The following PCDH9 variants were observed in gnomAD, a reference collection of about 807,000 sequenced individuals.
PCDH9 encodes the protein protocadherin 9, also known as protocadherin-9.
In PCDH9, 24 loss-of-function variants were observed where a neutral mutation model predicts 70.6. That is an observed-to-expected ratio of 0.34 (90% CI 0.25 to 0.48). The LOEUF is 0.48. Among genes scored for constraint, PCDH9 ranks in the 20% least tolerant of loss-of-function variants. PCDH9 has a pLI of 0.99. For synonymous variants in PCDH9, 562 were observed against 558.5 expected (o/e 1.01, Z -0.09); for missense variants, 1,281 against 1,503.6 (o/e 0.85, Z 2.45).
At chr13:66,370,416 C>A (rs1956626159) in intron 4 of PCDH9, among the ~76,000 whole-genome samples, 2 of 151,802 alleles carry the variant, frequency 1.3e-5, no homozygotes, top group South Asian at 4.2e-4. Context: ...GTGTGTTCAA[C>A]TTCCTCCCTC....
intron 3 of PCDH9, among the ~76,000 whole-genome samples, chr13:66,759,887 C>T (rs2079597189): frequency 6.6e-6 from 1 of 151,906 alleles, no homozygotes; most frequent in South Asian, 2.1e-4. Context: ...TACATATCAC[C>T]ATTATAGTAT....
intron 4 of PCDH9, among the ~76,000 whole-genome samples, chr13:66,366,137 A>G (rs921151919): frequency 2.0e-5 from 3 of 152,052 alleles, no homozygotes; most frequent in Admixed American, 6.6e-5. Flanking sequence ...AAGAAAATCT[A>G]TTATTTCTTC....
intron 2 of PCDH9, among the ~76,000 whole-genome samples, chr13:66,986,481 G>A (rs963567362): frequency 1.1e-4 from 17 of 151,866 alleles, no homozygotes; most frequent in African/African-American, 2.9e-4. Context: ...GTTTTTCACT[G>A]GGATATGGAA....
intron 2 of PCDH9, chr13:67,210,252 T>C (rs760951669): frequency 2.0e-4 from 30 of 152,192 alleles, no homozygotes; most frequent in African/African-American, 6.7e-4. Context: ...GTTCTGTTTT[T>C]TGATTTCTAA....
At chr13:66,726,697 G>A (rs1431128563) in intron 3 of PCDH9, among the ~76,000 whole-genome samples, 2 of 152,162 alleles carry the variant, frequency 1.3e-5, no homozygotes, top group African/African-American at 4.8e-5. Context: ...GCGTACCAAA[G>A]ACCTCACATA....
At chr13:66,492,437 T>C (rs1337199868) in intron 4 of PCDH9, among the ~76,000 whole-genome samples, 1 of 148,234 alleles carries the variant, frequency 6.7e-6, no homozygotes, top group Non-Finnish European at 1.5e-5. Flanking sequence ...TTAATGTTTA[T>C]ATTTATATAT....
At chr13:66,315,858 C>T (rs111258919) in intron 4 of PCDH9, among the ~76,000 whole-genome samples, 1 of 152,188 alleles carries the variant, frequency 6.6e-6, no homozygotes, top group Non-Finnish European at 1.5e-5. Context: ...AGCATATTTA[C>T]ATTTGTTTCC....
chr13:66,423,691 G>A (rs1358918748), intron 4 of PCDH9, among the ~76,000 whole-genome samples: 1 of 152,028 alleles, frequency 6.6e-6, no homozygotes, highest in Non-Finnish European at 1.5e-5. Flanking sequence ...AACAATAAGA[G>A]CTGTTTATGA....
At chr13:67,038,347 T>G (rs2085048331) in intron 2 of PCDH9, among the ~76,000 whole-genome samples, 1 of 152,150 alleles carries the variant, frequency 6.6e-6, no homozygotes, top group Non-Finnish European at 1.5e-5. Flanking sequence ...TTCCAACTTT[T>G]TAAAAAGATA....
intron 3 of PCDH9, among the ~76,000 whole-genome samples, chr13:66,696,039 T>A (rs531788541): frequency 1.3e-5 from 2 of 152,162 alleles, no homozygotes; most frequent in Non-Finnish European, 1.5e-5. Context: ...TAGTTATGTA[T>A]TTTGGATTTT....
Position 67,226,095 on chromosome 13 carries a change from G to C in PCDH9, c.2346C>G (p.Ser782=). 2 of 1,614,116 alleles carry C rather than the reference G, an allele frequency of 1.2e-6. No individual in the cohort carries two copies. The highest frequency in any genetic ancestry group is 1.7e-6 in the Non-Finnish European group (2 of 1,180,014). ...TCCTGCGGATCAAGTCATAGATATA[G>C]GAGGCATTTCCAGCAGTGTCGTTAA... ...LYVNDTAGNA[S]YIYDLIRRTM... Residue 782 remains serine (S), a synonymous_variant, in exon 2 of 5, where the codon TCC becomes TCG. Coordinates refer to ENST00000377865, the MANE Select transcript of PCDH9 (RefSeq NM_203487.3). This position sits in a 1 kb window ranked among gnomAD's most constrained non-coding sequence, Gnocchi z 5.0.
intron 4 of PCDH9, among the ~76,000 whole-genome samples, chr13:66,543,653 G>C (rs1961061089): frequency 1.3e-5 from 2 of 151,936 alleles, no homozygotes; most frequent in Non-Finnish European, 2.9e-5. Context: ...ATTCACCACT[G>C]TAAGAAAGTT....
intron 4 of PCDH9, among the ~76,000 whole-genome samples, chr13:66,456,892 T>C (rs898750691): frequency 7.2e-5 from 11 of 152,108 alleles, no homozygotes; most frequent in Non-Finnish European, 1.6e-4. Flanking sequence ...TGTTAAACCT[T>C]ACCTTTTTGC....
chr13:67,223,326 G>T (rs567607549), intron 2 of PCDH9: 2 of 152,028 alleles, frequency 1.3e-5, no homozygotes, highest in Non-Finnish European at 2.9e-5. Flanking sequence ...TTTTGGGGAG[G>T]TCAGAAAAAG....
At chr13:66,455,513 G>C (rs1422892495) in intron 4 of PCDH9, among the ~76,000 whole-genome samples, 2 of 151,904 alleles carry the variant, frequency 1.3e-5, no homozygotes, top group Non-Finnish European at 2.9e-5. Context: ...GAACATTTTA[G>C]AATCCCAATA....
chr13:67,184,137 C>T (rs2088688197), intron 2 of PCDH9, among the ~76,000 whole-genome samples: 1 of 152,098 alleles, frequency 6.6e-6, no homozygotes, highest in Admixed American at 6.5e-5. Context: ...TTTCCTTAGT[C>T]TTTACTTCAC....
At chr13:66,489,501 A>C (rs1958998863) in intron 4 of PCDH9, among the ~76,000 whole-genome samples, 1 of 152,130 alleles carries the variant, frequency 6.6e-6, no homozygotes, top group African/African-American at 2.4e-5. Flanking sequence ...TTGTACTAAC[A>C]GGGTCTCACT....
At position 66,651,271 on chromosome 13, in the gene PCDH9, C is replaced by G. The variant is rs539200085; in HGVS notation, c.3139-19860G>C. On this transcript the variant is annotated intron_variant, in intron 3 of 4. Transcript: ENST00000377865. Reference sequence around the variant, plus strand: ...TAAAATCCACAAACCTTTAGCCAGACCAAAAAGAAAAGAGAGAAGACCCAA... The same window carrying G: ...TAAAATCCACAAACCTTTAGCCAGAGCAAAAAGAAAAGAGAGAAGACCCAA... Among the ~76,000 whole-genome samples the G allele has an allele frequency of 3.3e-5, 5 of 151,572 alleles. No individual in the cohort carries two copies. The East Asian group carries it at 9.7e-4, about 29-fold the overall frequency.
At chr13:66,696,343 A>G (rs1210018771) in intron 3 of PCDH9, among the ~76,000 whole-genome samples, 5 of 152,246 alleles carry the variant, frequency 3.3e-5, no homozygotes, top group African/African-American at 4.8e-5. Context: ...ATAATTATTC[A>G]ATCTTTGTTA....
Sources: allele counts gnomAD v4.1 joint callset (sites outside exome capture counted in the v4.1 genomes callset), GRCh38; gene constraint gnomAD v4.1.1; non-coding constraint Gnocchi (gnomAD v3.1); transcripts MANE v1.5; gene names NCBI Gene and HGNC (gene_info 2026-07-23, HGNC 2026-07-21).